Variants in DNM2 observed in about 807,000 individuals in gnomAD.
DNM2 encodes the protein dynamin 2, also known as dynamin-2.
A neutral mutation model predicts 99.0 loss-of-function variants in DNM2; 15 were observed. The ratio of observed to expected loss-of-function variants is 0.15; its 90% CI spans 0.10 to 0.23. DNM2 has a LOEUF of 0.23. Among genes scored for constraint, DNM2 ranks in the 10% least tolerant of loss-of-function variants. The pLI, the probability that DNM2 is intolerant of heterozygous loss-of-function variation, is 1.00. For missense variants in DNM2, 742 were observed against 1,189.4 expected (o/e 0.62, Z 5.53); for synonymous variants, 525 against 481.2 (o/e 1.09, Z -1.19).
chr19:10,784,703 T>C (rs7251668), intron 6 of DNM2, among the ~76,000 whole-genome samples: 143,516 of 152,306 alleles, frequency 0.94, 67,809 homozygotes, highest in East Asian at 1. Context: ...GCAGGGACCC[T>C]TGGTCACGGA....
rs1452518177 is a variant in DNM2 at position 10,775,216 on chromosome 19, G to A, written c.386-487G>A. ...CATGCCTCAGCCTCCAGAGTAGCTG[G>A]GAGTACAAGTGTGTGCTACCACGCC... On this transcript the variant is annotated intron_variant, in intron 3 of 20. Transcript: ENST00000389253. The surrounding 1 kb of genome is among the most constrained non-coding windows in gnomAD (Gnocchi z 4.3). Among the ~76,000 whole-genome samples the A allele has an allele frequency of 1.3e-5, 2 of 152,030 alleles. No individual in the cohort carries two copies. The highest frequency in any genetic ancestry group is 6.6e-5 in the Admixed American group (1 of 15,246).
At chr19:10,777,506 G>T (rs1425107085) in intron 5 of DNM2, among the ~76,000 whole-genome samples, 1 of 152,160 alleles carries the variant, frequency 6.6e-6, no homozygotes, top group Non-Finnish European at 1.5e-5. Flanking sequence ...AGCCACTGGT[G>T]AATCTGCAGC....
At position 10,775,396 on chromosome 19, in the gene DNM2, G is replaced by A. The variant is rs1300978837; in HGVS notation, c.386-307G>A. The stretch of plus-strand genomic sequence containing the variant: ...CGCACCCAGCCTCATCTGTTTGTCT[G>A]TAATGGTTCTTTGGTATTGGCTGAA... On this transcript the variant is annotated intron_variant, in intron 3 of 20. Transcript: ENST00000389253. This position sits in a 1 kb window ranked among gnomAD's most constrained non-coding sequence, Gnocchi z 4.3. Among the ~76,000 whole-genome samples, 1 of 152,200 alleles carries A rather than the reference G, an allele frequency of 6.6e-6. No homozygotes were observed. The highest frequency in any genetic ancestry group is 1.5e-5 in the Non-Finnish European group (1 of 68,038).
In DNM2 at chr19:10,795,542, T is replaced by G; in HGVS notation, c.1196+103T>G. On this transcript the variant is annotated intron_variant, in intron 9 of 20. Coordinates refer to ENST00000389253, the MANE Select transcript of DNM2 (RefSeq NM_001005361.3). This position sits in a 1 kb window ranked among gnomAD's most constrained non-coding sequence, Gnocchi z 4.2. ...CTCTGAGTCCCTAATCGTTAGGCCTTAAGAGGGCTCTTGGATGGTTTTCTG... is the reference window on the plus strand; with the variant it reads ...CTCTGAGTCCCTAATCGTTAGGCCTGAAGAGGGCTCTTGGATGGTTTTCTG... 2 of 1,346,240 alleles carry G rather than the reference T, an allele frequency of 1.5e-6. No homozygotes were observed. Among genetic ancestry groups the G allele is most frequent in the Non-Finnish European group, 2.1e-6 (2 of 944,220 alleles). 83.4% of individuals were successfully genotyped at this position (1,346,240 alleles called of 1,614,324 possible). A position where few individuals can be genotyped will look rare whatever the true frequency, so the allele number is the denominator to read the frequency against.
chr19:10,731,133 C>T (rs1479265369), intron 1 of DNM2, among the ~76,000 whole-genome samples: 5 of 152,060 alleles, frequency 3.3e-5, no homozygotes, highest in Non-Finnish European at 7.4e-5. Context: ...CTGGGTGATA[C>T]GCCCTGGCAC....
intron 1 of DNM2, among the ~76,000 whole-genome samples, chr19:10,724,880 G>A (rs140769403): frequency 3.3e-4 from 50 of 152,318 alleles, no homozygotes; most frequent in Middle Eastern, 6.8e-3. Context: ...GGATGCTGGC[G>A]TTTCCAGCTG....
At chr19:10,792,393 A>AG (rs1348715042) in intron 7 of DNM2, among the ~76,000 whole-genome samples, 3 of 152,174 alleles carry the variant, frequency 2.0e-5, no homozygotes, top group Non-Finnish European at 2.9e-5. Flanking sequence ...TGATGAAGGG[A>AG]GACAGCCCAG....
At chr19:10,809,413 C>T (rs932557463) in intron 14 of DNM2, 2 of 152,356 alleles carry the variant, frequency 1.3e-5, no homozygotes, top group Non-Finnish European at 2.9e-5. Context: ...CACAGTGCTT[C>T]AGGTATCTTG....
At chr19:10,819,245 C>CT (rs1373815986) in intron 15 of DNM2, among the ~76,000 whole-genome samples, 1 of 152,122 alleles carries the variant, frequency 6.6e-6, no homozygotes, top group Non-Finnish European at 1.5e-5. Flanking sequence ...GACCCCATCT[C>CT]TATTAAAATA....
chr19:10,732,738 T>C (rs1050565935), intron 1 of DNM2, among the ~76,000 whole-genome samples: 1 of 152,030 alleles, frequency 6.6e-6, no homozygotes, highest in Non-Finnish European at 1.5e-5. Flanking sequence ...TAGGTGTGAC[T>C]ACCCCCGACT....
At chr19:10,819,735 A>G (rs1384808852) in intron 15 of DNM2, among the ~76,000 whole-genome samples, 1 of 152,194 alleles carries the variant, frequency 6.6e-6, no homozygotes, top group Admixed American at 6.5e-5. Context: ...ATCAGGCAGT[A>G]GCCCGGTCGT....
Position 10,830,928 on chromosome 19 carries a change from C to A in DNM2, c.2544-50C>A. 1 of 1,576,102 alleles carries A rather than the reference C, an allele frequency of 6.3e-7. No homozygotes were observed. Among genetic ancestry groups the A allele is most frequent in the African/African-American group, 1.4e-5 (1 of 73,924 alleles). Reference sequence around the variant, plus strand: ...TCAACCCAGGCCTGCCTCTTGCTCCCGGCCTCACTGCCGTCTCCCCCTCCC... The same window carrying A: ...TCAACCCAGGCCTGCCTCTTGCTCCAGGCCTCACTGCCGTCTCCCCCTCCC... On this transcript the variant is annotated intron_variant, in intron 20 of 20. Transcript: ENST00000389253. The surrounding 1 kb of genome is among the most constrained non-coding windows in gnomAD (Gnocchi z 4.8).
chr19:10,797,371 A>G lies in DNM2; in HGVS notation c.1197-9A>G. The G allele has an allele frequency of 6.2e-7, 1 of 1,612,152 alleles. No individual in the cohort carries two copies. The highest frequency in any genetic ancestry group is 8.5e-7 in the Non-Finnish European group (1 of 1,179,956). On this transcript the variant is annotated splice_polypyrimidine_tract_variant and intron_variant, in intron 9 of 20. Transcript: ENST00000389253. ...CTTTCTGCCTCATCCTGCCCTCCGC[A>G]TGACCCAGGACGGGGCTCTTCACCC... is the stretch of plus-strand genomic sequence containing the variant.
chr19:10,740,611 G>A (rs895333723), intron 1 of DNM2, among the ~76,000 whole-genome samples: 2 of 152,134 alleles, frequency 1.3e-5, no homozygotes, highest in African/African-American at 4.8e-5. Flanking sequence ...CCTGACCTCA[G>A]GTGATCCACC....
In DNM2 at chr19:10,743,809, C is replaced by CAAAAAAAA. The variant is rs35999203; in HGVS notation, c.162-15908_162-15901dup. On this transcript the variant is annotated intron_variant, in intron 1 of 20. Transcript: ENST00000389253. Reference sequence around the variant, plus strand: ...TGGGTGACAAAGCGAGACTCTGTCTCAAAAAAAAAAAAAAAAAAAAAAAAA... The same window carrying CAAAAAAAA: ...TGGGTGACAAAGCGAGACTCTGTCTCAAAAAAAAAAAAAAAAAAAAAAAAAAAAAAAAA... Among the ~76,000 whole-genome samples the CAAAAAAAA allele has an allele frequency of 2.7e-3, 88 of 32,662 alleles. 2 individuals carry two copies. Among genetic ancestry groups the CAAAAAAAA allele is most frequent in the African/African-American group, 0.013 (87 of 6,796 alleles). The allele number at this position is 32,662 out of a possible 152,430, so 21.4% of individuals were successfully genotyped here.
intron 1 of DNM2, among the ~76,000 whole-genome samples, chr19:10,736,631 A>G (rs1411799043): frequency 2.0e-5 from 3 of 152,120 alleles, no homozygotes; most frequent in African/African-American, 7.2e-5. Context: ...TGTTTAGACA[A>G]AGTCTCTCTC....
In DNM2 at chr19:10,764,216, TC is replaced by T. The variant is rs796842839; in HGVS notation, c.235+4406del. Among the ~76,000 whole-genome samples the T allele has an allele frequency of 3.3e-5, 5 of 152,246 alleles. 1 individual carries two copies. The highest frequency in any genetic ancestry group is 1.2e-4 in the African/African-American group (5 of 41,546). On this transcript the variant is annotated intron_variant, in intron 2 of 20. Coordinates refer to ENST00000389253, the MANE Select transcript of DNM2 (RefSeq NM_001005361.3). The surrounding 1 kb of genome is among the most constrained non-coding windows in gnomAD (Gnocchi z 4.1). ...CCGGGACTTGTTAAAGTGACTTCCC[TC>T]TCTGTGCCTTGGTAGCTTCATCTGT...
chr19:10,738,118 C>T (rs1237812828), intron 1 of DNM2, among the ~76,000 whole-genome samples: 1 of 151,950 alleles, frequency 6.6e-6, no homozygotes, highest in Non-Finnish European at 1.5e-5. Flanking sequence ...GTAGGCCGGA[C>T]GTGGTGGCTC....
rs1235995877 is a variant in DNM2, at chr19:10,818,098, G to A, written c.1672-1882G>A. ...AAACTCTTCCCCGAAAGGTGGGAGG[G>A]ACCCAGGCCCTGTGTTACCCAGCCT... On this transcript the variant is annotated intron_variant, in intron 15 of 20. Transcript: ENST00000389253. This position sits in a 1 kb window ranked among gnomAD's most constrained non-coding sequence, Gnocchi z 4.3. Among the ~76,000 whole-genome samples the A allele has an allele frequency of 6.6e-6, 1 of 152,120 alleles. No homozygotes were observed. The highest frequency in any genetic ancestry group is 1.9e-4 in the East Asian group (1 of 5,164).
Sources: allele counts gnomAD v4.1 joint callset (sites outside exome capture counted in the v4.1 genomes callset), GRCh38; gene constraint gnomAD v4.1.1; non-coding constraint Gnocchi (gnomAD v3.1); transcripts MANE v1.5; gene names NCBI Gene and HGNC (gene_info 2026-07-23, HGNC 2026-07-21).